The following NLRC5 variants were observed in gnomAD, a reference collection of about 807,000 sequenced individuals.
The protein encoded by NLRC5 is NLR family CARD domain containing 5.
A neutral mutation model predicts 206.9 loss-of-function variants in NLRC5; 114 were observed. The observed-to-expected ratio is 0.55, with a 90% CI of 0.47 to 0.64. The LOEUF (loss-of-function observed/expected upper bound fraction) is 0.64, where lower values mean the gene tolerates loss of function less well. Ranked by LOEUF, NLRC5 falls within the 30% of genes least tolerant of loss-of-function variation. NLRC5 has a pLI of 0.00. For missense variants in NLRC5, 2,008 were observed against 2,305.5 expected (o/e 0.87, Z 2.64); for synonymous variants, 952 against 962.8 (o/e 0.99, Z 0.21).
At chr16:57,042,106 G>C (rs919377) in intron 19 of NLRC5, 41 bp downstream of exon 19, 98,158 of 1,319,926 alleles carry the variant, frequency 0.074, 3,955 homozygotes, top group Middle Eastern at 0.092. Context: ...GCTGGGGCAG[G>C]GGGGGAGCAT....
intron 12 of NLRC5, 126 bp from the exon 13 acceptor site, chr16:57,034,042 A>G (rs562784634): frequency 1.4e-6 from 1 of 691,166 alleles, no homozygotes; most frequent in South Asian, 1.8e-5. Context: ...CCCAGCTACT[A>G]AGAGGTGTGG....
chr16:57,074,780 G>C, intron 39 of NLRC5, 97 bp downstream of exon 39: 1 of 1,208,090 alleles, frequency 8.3e-7, no homozygotes, highest in Non-Finnish European at 1.2e-6. Flanking sequence ...ACCTCCCAGG[G>C]GATCCTTTGC....
At position 57,052,224 on chromosome 16, in the gene NLRC5, G is replaced by A. The variant is rs75285006; in HGVS notation, c.3506+603G>A. ...GTGGTGGCTCATGCCTGTAATCCCG[G>A]CACTTTGGGAGGCCGAGGCGGGCAG... On this transcript the variant is annotated intron_variant, in intron 24 of 48. Coordinates refer to ENST00000688547, the MANE Select transcript of NLRC5 (RefSeq NM_001384950.1). Among the ~76,000 whole-genome samples, 161 of 152,350 alleles carry A rather than the reference G, an allele frequency of 1.1e-3. No homozygotes were observed. The East Asian group carries it at 0.023, about 22-fold the overall frequency.
chr16:57,061,897 A>G, intron 32 of NLRC5, 196 bp downstream of exon 32: 1 of 1,534,090 alleles, frequency 6.5e-7, no homozygotes, highest in Non-Finnish European at 8.7e-7. Flanking sequence ...GTCCTTCCCC[A>G]CACTGGAGGC....
intron 41 of NLRC5, 27 bp downstream of exon 41, chr16:57,077,406 G>A: frequency 6.3e-7 from 1 of 1,596,082 alleles, no homozygotes; most frequent in Non-Finnish European, 8.6e-7. Context: ...ACAGAGGAGG[G>A]CCACAGGGGT....
At chr16:57,054,297 TAGTGCTA>T (rs1257338080) in intron 24 of NLRC5, among the ~76,000 whole-genome samples, 1 of 152,110 alleles carries the variant, frequency 6.6e-6, no homozygotes, top group Non-Finnish European at 1.5e-5. Flanking sequence ...CACATCTCAA[TAGTGCTA>T]AGGTTTAAAA....
At chr16:57,027,762 G>C (rs761585625) in intron 6 of NLRC5, among the ~76,000 whole-genome samples, 1 of 152,210 alleles carries the variant, frequency 6.6e-6, no homozygotes, top group African/African-American at 2.4e-5. Flanking sequence ...ATGCATTAAA[G>C]TTCAGTCCTG....
chr16:57,029,753 G>A lies in NLRC5; in HGVS notation c.2244-20G>A. 1.2e-6 allele frequency: 2 copies of A among 1,611,918 alleles called. No individual in the cohort carries two copies. The highest frequency in any genetic ancestry group is 1.7e-6 in the Non-Finnish European group (2 of 1,178,284). On this transcript the variant is annotated intron_variant, in intron 8 of 48. Transcript: ENST00000688547. ...GCCCCAACCCCAGGGCAAAGGGACT[G>A]GGCCTTGGTCTCCTCGCAGTTTTCG...
In NLRC5 at chr16:56,999,217, C is replaced by T. The variant is rs76496464; in HGVS notation, c.-128+9600C>T. On this transcript the variant is annotated intron_variant, in intron 1 of 48. Transcript: ENST00000688547. ...CCAGACCCCAGCTCCTAATACCCTC[C>T]TATTAGGGGTTAGAGTTTCAACATG... Among the ~76,000 whole-genome samples the T allele has an allele frequency of 3.4e-3, 517 of 152,346 alleles. 2 individuals carry two copies. Among genetic ancestry groups the T allele is most frequent in the Non-Finnish European group, 4.7e-3 (319 of 68,026 alleles).
intron 1 of NLRC5, among the ~76,000 whole-genome samples, chr16:57,010,485 T>C (rs1340270290): frequency 6.6e-6 from 1 of 152,174 alleles, no homozygotes; most frequent in African/African-American, 2.4e-5. Flanking sequence ...AGCAATCCTC[T>C]GCCACAGCCT....
Position 57,020,988 on chromosome 16 carries a change from T to C in NLRC5, c.276T>C (p.Ser92=), listed in dbSNP as rs760268034. The part of the protein sequence containing the change: ...VPLDLEVLLL[S]TFGYDDGFTS... Reference sequence around the variant, plus strand: ...TGGACCTGGAGGTGCTGCTGCTGAGTACTTTTGGCTATGATGATGGTAAGG... The same window carrying C: ...TGGACCTGGAGGTGCTGCTGCTGAGCACTTTTGGCTATGATGATGGTAAGG... The change falls in exon 3 of 49, where the codon AGT becomes AGC. Residue 92 remains serine, a synonymous_variant. Coordinates refer to ENST00000688547, the MANE Select transcript of NLRC5 (RefSeq NM_001384950.1). 1.3e-5 allele frequency: 21 copies of C among 1,613,370 alleles called. No individual in the cohort carries two copies. The highest frequency in any genetic ancestry group is 4.4e-5 in the South Asian group (4 of 91,072).
intron 14 of NLRC5, 121 bp from the exon 15 acceptor site, chr16:57,037,074 G>T: frequency 1.2e-6 from 1 of 814,502 alleles, no homozygotes; most frequent in South Asian, 1.4e-5. Context: ...CCCTGGCAAG[G>T]GACCTAGGAC....
chr16:57,075,584 T>G (rs1164656894), intron 39 of NLRC5, among the ~76,000 whole-genome samples: 1 of 152,198 alleles, frequency 6.6e-6, no homozygotes, highest in African/African-American at 2.4e-5. Flanking sequence ...GGTCAGCACT[T>G]TGAGTAGTGT....
In NLRC5 at chr16:57,054,840, G is replaced by C; in HGVS notation, c.3596G>C (p.Arg1199Thr). 6.2e-7 allele frequency: 1 copy of C among 1,614,142 alleles called. No homozygotes were observed. The highest frequency in any genetic ancestry group is 8.5e-7 in the Non-Finnish European group (1 of 1,179,938). ...LCPRVKKVDL[R>T]SLHHATLHFR... The stretch of plus-strand genomic sequence containing the variant: ...CCACGGGTTAAAAAGGTGGATCTCA[G>C]GTGGGCATTCCCCTGGGACAGCCAG... The change falls in exon 25 of 49, where the codon AGG (arginine) becomes ACG (threonine). Residue 1199 changes from arginine to threonine, a missense_variant and splice_region_variant. Coordinates refer to ENST00000688547, the MANE Select transcript of NLRC5 (RefSeq NM_001384950.1).
Position 57,046,626 on chromosome 16 carries a change from T to A in NLRC5, c.3323T>A (p.Ile1108Asn), listed in dbSNP as rs1351710836. ...AKFLGFRQRCIPRSLCLSECP... is the reference protein window; with the variant it reads ...AKFLGFRQRCNPRSLCLSECP... ...TTCTTAGGGTTCCGTCAGCGCTGCA[T>A]CCCCAGGAGCCTCTGGTACTGTCCC... Residue 1108 changes from isoleucine to asparagine, a missense_variant, in exon 22 of 49, where the codon ATC (isoleucine) becomes AAC (asparagine). Physicochemically the swap from Ile to Asn is moderately radical, Grantham distance 149. Coordinates refer to ENST00000688547, the MANE Select transcript of NLRC5 (RefSeq NM_001384950.1). 4 of 1,613,764 alleles carry A rather than the reference T, an allele frequency of 2.5e-6. No homozygotes were observed. Among genetic ancestry groups the A allele is most frequent in the Non-Finnish European group, 3.4e-6 (4 of 1,179,856 alleles).
intron 20 of NLRC5, 89 bp downstream of exon 20, chr16:57,043,693 C>T (rs1432345894): frequency 2.0e-6 from 2 of 1,002,890 alleles, no homozygotes; most frequent in Admixed American, 1.7e-5. Context: ...CCACCAGTTT[C>T]ATGCCAACCT....
chr16:57,024,153 A>G (rs1432789568), intron 5 of NLRC5, among the ~76,000 whole-genome samples: 1 of 152,124 alleles, frequency 6.6e-6, no homozygotes, highest in Non-Finnish European at 1.5e-5. Context: ...TTCCAGGGAC[A>G]CCCTATGTCC....
intron 24 of NLRC5, among the ~76,000 whole-genome samples, chr16:57,054,326 A>G (rs1335914531): frequency 1.3e-5 from 2 of 152,130 alleles, no homozygotes; most frequent in African/African-American, 4.8e-5. Context: ...CTGTGTCTGA[A>G]GGGCCTGAAG....
At chr16:57,039,896 C>A in intron 16 of NLRC5, 47 bp downstream of exon 16, 1 of 1,475,274 alleles carries the variant, frequency 6.8e-7, no homozygotes, top group Non-Finnish European at 9.5e-7. Context: ...AGGGACATTC[C>A]CCTCTCTACC....
Sources: allele counts gnomAD v4.1 joint callset (sites outside exome capture counted in the v4.1 genomes callset), GRCh38; gene constraint gnomAD v4.1.1; transcripts MANE v1.5; gene names NCBI Gene and HGNC (gene_info 2026-07-23, HGNC 2026-07-21).